The following AGBL1 variants were observed in gnomAD, a reference collection of about 807,000 sequenced individuals.
AGBL1 encodes cytosolic carboxypeptidase 4.
AGBL1 carries 130 observed loss-of-function variants against 118.9 expected under a neutral mutation model. The ratio of observed to expected loss-of-function variants is 1.09; its 90% CI spans 0.95 to 1.26. The LOEUF (loss-of-function observed/expected upper bound fraction) is 1.26, where lower values mean the gene tolerates loss of function less well. AGBL1 is among the 50% of genes most tolerant of loss of function. The probability of loss-of-function intolerance (pLI) is 0.00; values close to 1 mark genes in which losing one functional copy is unlikely to be tolerated. For synonymous variants in AGBL1, 555 were observed against 478.9 expected, an observed-to-expected ratio of 1.16 and a Z score of -2.08; for missense variants, 1,584 against 1,298.1, an observed-to-expected ratio of 1.22 and a Z score of -3.38.
intron 23 of AGBL1, among the ~76,000 whole-genome samples, chr15:86,925,169 A>AGG (rs1367750397): frequency 8.9e-4 from 29 of 32,452 alleles, no homozygotes; most frequent in African/African-American, 1.5e-3. Flanking sequence ...GAGGAGGAGG[A>AGG]AGAGGAAGAG....
chr15:86,602,739 C>A (rs1039812698), intron 21 of AGBL1, among the ~76,000 whole-genome samples: 1 of 151,992 alleles, frequency 6.6e-6, no homozygotes, highest in African/African-American at 2.4e-5. Flanking sequence ...ACTAGGGAAA[C>A]GTCTTTGGAA....
At chr15:86,561,972 T>G (rs2083829067) in intron 21 of AGBL1, among the ~76,000 whole-genome samples, 1 of 152,166 alleles carries the variant, frequency 6.6e-6, no homozygotes, top group Non-Finnish European at 1.5e-5. Context: ...TATTGGTGTA[T>G]AAGAATGCTT....
chr15:86,400,323 C>T (rs2081425234), intron 18 of AGBL1, among the ~76,000 whole-genome samples: 1 of 152,058 alleles, frequency 6.6e-6, no homozygotes, highest in South Asian at 2.1e-4. Flanking sequence ...ATGTGAAGTT[C>T]TCTCCAACCT....
intron 22 of AGBL1, among the ~76,000 whole-genome samples, chr15:86,757,105 T>C (rs532626169): frequency 1.7e-4 from 26 of 152,252 alleles, no homozygotes; most frequent in African/African-American, 5.5e-4. Context: ...TCTGAGTATT[T>C]ATAAATTCCT....
intron 5 of AGBL1, among the ~76,000 whole-genome samples, chr15:86,168,396 T>C (rs1343955090): frequency 6.6e-6 from 1 of 152,148 alleles, no homozygotes; most frequent in African/African-American, 2.4e-5. Flanking sequence ...CAAAAAAGCA[T>C]GAAAACAATG....
intron 22 of AGBL1, among the ~76,000 whole-genome samples, chr15:86,823,995 G>A (rs2078974480): frequency 1.3e-5 from 2 of 152,054 alleles, no homozygotes; most frequent in South Asian, 4.1e-4. Flanking sequence ...AAGGCTAAAT[G>A]TTTTCCCCTG....
At chr15:86,658,952 G>C (rs1190410858) in intron 21 of AGBL1, among the ~76,000 whole-genome samples, 1 of 152,174 alleles carries the variant, frequency 6.6e-6, no homozygotes, top group Non-Finnish European at 1.5e-5. Context: ...GGAGGTTATA[G>C]TAACGGTCCC....
intron 22 of AGBL1, among the ~76,000 whole-genome samples, chr15:86,828,635 C>T (rs1014763038): frequency 6.6e-6 from 1 of 152,072 alleles, no homozygotes; most frequent in East Asian, 1.9e-4. Context: ...TCCTCTAAAA[C>T]CCCAGAAGGG....
At chr15:86,354,039 G>A (rs2080673171) in intron 17 of AGBL1, among the ~76,000 whole-genome samples, 1 of 152,188 alleles carries the variant, frequency 6.6e-6, no homozygotes, top group South Asian at 2.1e-4. Flanking sequence ...ACACTAATGA[G>A]GCGGGTGATT....
chr15:86,796,373 C>G (rs1206557318), intron 22 of AGBL1, among the ~76,000 whole-genome samples: 1 of 152,218 alleles, frequency 6.6e-6, no homozygotes, highest in Non-Finnish European at 1.5e-5. Context: ...CAAGTAAACT[C>G]TCTGAAACCT....
rs1322151344 is a variant in AGBL1, at chr15:86,158,993, C to G, written c.455C>G (p.Thr152Ser). ...GAMELLFKVI[T>S]PYTRKRTQAI... ...ATGGAACTGCTTTTCAAGGTTATTACTCCTTACACCCGAAAGCGCACCCAA... is the reference window on the plus strand; with the variant it reads ...ATGGAACTGCTTTTCAAGGTTATTAGTCCTTACACCCGAAAGCGCACCCAA... The change falls in exon 5 of 23, where the codon ACT becomes AGT. Residue 152 changes from threonine (T) to serine (S), a missense_variant. Coordinates refer to ENST00000614907, the MANE Select transcript of AGBL1 (RefSeq NM_001386094.1). The G allele has an allele frequency of 6.2e-7, 1 of 1,613,224 alleles. No individual in the cohort carries two copies. Among genetic ancestry groups the G allele is most frequent in the Non-Finnish European group, 8.5e-7 (1 of 1,179,426 alleles).
At chr15:86,411,852 G>A (rs1246395467) in intron 18 of AGBL1, among the ~76,000 whole-genome samples, 2 of 152,146 alleles carry the variant, frequency 1.3e-5, no homozygotes, top group South Asian at 4.1e-4. Context: ...GGACATAGCA[G>A]GGTAGTGATT....
At chr15:86,394,560 T>C (rs1204067180) in intron 17 of AGBL1, among the ~76,000 whole-genome samples, 4 of 152,142 alleles carry the variant, frequency 2.6e-5, no homozygotes, top group African/African-American at 9.6e-5. Context: ...AACCAAATAG[T>C]GGTTTACTGT....
At chr15:86,415,730 C>A (rs867316793) in intron 18 of AGBL1, among the ~76,000 whole-genome samples, 1 of 152,078 alleles carries the variant, frequency 6.6e-6, no homozygotes, top group Non-Finnish European at 1.5e-5. Flanking sequence ...TGTAGTTGAT[C>A]TAAATGGATC....
intron 24 of AGBL1, among the ~76,000 whole-genome samples, chr15:87,022,656 G>C (rs184175041): frequency 1.3e-5 from 2 of 152,012 alleles, no homozygotes; most frequent in African/African-American, 4.8e-5. Flanking sequence ...CATTGTCATC[G>C]GGTTATATAA....
chr15:86,626,739 A>G (rs184979912), intron 21 of AGBL1, among the ~76,000 whole-genome samples: 1 of 152,128 alleles, frequency 6.6e-6, no homozygotes, highest in Non-Finnish European at 1.5e-5. Context: ...ATAGGATTGG[A>G]AAAGTTCCTC....
At chr15:86,348,127 G>C (rs773163908) in intron 17 of AGBL1, among the ~76,000 whole-genome samples, 3 of 152,064 alleles carry the variant, frequency 2.0e-5, no homozygotes, top group Non-Finnish European at 4.4e-5. Flanking sequence ...CTTTCCTCCT[G>C]TTGCTAGTCC....
chr15:86,755,046 G>A (rs2077915677), intron 22 of AGBL1, among the ~76,000 whole-genome samples: 1 of 152,108 alleles, frequency 6.6e-6, no homozygotes, highest in South Asian at 2.1e-4. Context: ...GATGGCATGG[G>A]AAATTGCATC....
chr15:86,943,846 G>T (rs761626934), intron 23 of AGBL1, among the ~76,000 whole-genome samples: 5 of 152,078 alleles, frequency 3.3e-5, no homozygotes, highest in Non-Finnish European at 5.9e-5. Context: ...TCTTACCCTC[G>T]CTGTCTGCCT....
Sources: allele counts gnomAD v4.1 joint callset (sites outside exome capture counted in the v4.1 genomes callset), GRCh38; gene constraint gnomAD v4.1.1; transcripts MANE v1.5; gene names NCBI Gene and HGNC (gene_info 2026-07-23, HGNC 2026-07-21).